Variants in CFHR3 observed in about 807,000 individuals in gnomAD.
CFHR3 encodes the protein complement factor H-related protein 3.
Under a neutral mutation model 36.0 loss-of-function variants are expected in CFHR3, and 22 were observed. The ratio of observed to expected loss-of-function variants is 0.61; its 90% CI spans 0.44 to 0.87. The LOEUF (loss-of-function observed/expected upper bound fraction) is 0.87, where lower values mean the gene tolerates loss of function less well. Ranked by LOEUF, CFHR3 falls within the 40% of genes least tolerant of loss-of-function variation. CFHR3 has a pLI of 0.00. For missense variants in CFHR3, 276 were observed against 401.3 expected (o/e 0.69, Z 2.67); for synonymous variants, 97 against 137.4 (o/e 0.71, Z 2.06).
At position 196,786,241 on chromosome 1, in the gene CFHR3, C is replaced by T. The variant is rs1453947578; in HGVS notation, c.431-1975C>T. ...GGTGGTGCCTCCCAGTTAGGCTGCT[C>T]GGGGGTTGGGGTCAGCGACCAACTT... is the stretch of plus-strand genomic sequence containing the variant. On this transcript the variant is annotated intron_variant, in intron 3 of 5. Coordinates refer to ENST00000367425, the MANE Select transcript of CFHR3 (RefSeq NM_021023.6). 3.7e-5 allele frequency among the ~76,000 whole-genome samples: 5 copies of T among 136,062 alleles called. 1 individual carries two copies. Among genetic ancestry groups the T allele is most frequent in the Admixed American group, 7.1e-5 (1 of 14,178 alleles). 89.3% of individuals were successfully genotyped at this position (136,062 alleles called of 152,430 possible).
chr1:196,785,718 A>T lies in CFHR3; in HGVS notation c.431-2498A>T, dbSNP rs1654170067. Among the ~76,000 whole-genome samples, 2 of 136,322 alleles carry T rather than the reference A, an allele frequency of 1.5e-5. 1 individual carries two copies. The highest frequency in any genetic ancestry group is 1.4e-4 in the Admixed American group (2 of 14,162). 89.4% of individuals were successfully genotyped at this position (136,322 alleles called of 152,430 possible). ...TTATACATTTGTCTAAATTTTTTTC[A>T]AATTTTTAACTTCTTTGCCTTTGGT... On this transcript the variant is annotated intron_variant, in intron 3 of 5. Transcript: ENST00000367425.
rs1654298349 is a variant in CFHR3, at chr1:196,788,453, AGAT to A, written c.613+59_613+61del. On this transcript the variant is annotated intron_variant, in intron 4 of 5. Transcript: ENST00000367425. ...TCTGTCAACTTCGTTCCTCTCTTTG[AGAT>A]GATAGTGTTTTACTTAAAAATATAG... The A allele has an allele frequency of 5.3e-6, 8 of 1,510,526 alleles. No homozygotes were observed. In the East Asian group the frequency reaches 1.8e-4, roughly 34 times the overall value. The allele number at this position is 1,510,526 out of a possible 1,614,324, so 93.6% of individuals were successfully genotyped here. A position where few individuals can be genotyped will look rare whatever the true frequency, so the allele number is the denominator to read the frequency against.
chr1:196,779,917 C>A lies in CFHR3; in HGVS notation c.374C>A (p.Thr125Asn), dbSNP rs1653878956. Residue 125 changes from threonine (T) to asparagine (N), a missense_variant, in exon 3 of 6, where the codon ACC (threonine) becomes AAC (asparagine). Physicochemically the swap from Thr to Asn is moderately conservative, Grantham distance 65. Around this residue, in one of 3 missense-constraint regions of CFHR3, gnomAD observed 178 missense variants for 247.2 expected, o/e 0.72. Coordinates refer to ENST00000367425, the MANE Select transcript of CFHR3 (RefSeq NM_021023.6). ...HPGYGLPKAQ[T>N]TVTCTEKGWS... ...GGCTACGGTCTTCCAAAAGCGCAGA[C>A]CACAGTTACATGTACGGAGAAAGGC... 4.6e-6 allele frequency: 7 copies of A among 1,533,430 alleles called. 2 individuals carry two copies. The highest frequency in any genetic ancestry group is 3.3e-5 in the African/African-American group (2 of 60,606). 95.0% of individuals were successfully genotyped at this position (1,533,430 alleles called of 1,614,324 possible). A position where few individuals can be genotyped will look rare whatever the true frequency, so the allele number is the denominator to read the frequency against.
At chr1:196,783,483 C>G (rs1164666603) in intron 3 of CFHR3, among the ~76,000 whole-genome samples, 4 of 131,350 alleles carry the variant, frequency 3.0e-5, no homozygotes, top group Non-Finnish European at 6.3e-5. Flanking sequence ...ATTTCAGAGC[C>G]TGTTATTGGT....
intron 1 of CFHR3, 150 bp downstream of exon 1, chr1:196,775,094 G>A: frequency 1.5e-6 from 1 of 651,814 alleles, no homozygotes; most frequent in Non-Finnish European, 2.5e-6. Flanking sequence ...GAGTATAACA[G>A]AAATTAATTT....
At position 196,786,703 on chromosome 1, in the gene CFHR3, G is replaced by C. The variant is rs1262213537; in HGVS notation, c.431-1513G>C. On this transcript the variant is annotated intron_variant, in intron 3 of 5. Transcript: ENST00000367425. ...AGTGACCCGATTTTCCAGGTGCCGT[G>C]TGTCACCCCTTTCTTTGACTAGGAA... Among the ~76,000 whole-genome samples, 2 of 136,756 alleles carry C rather than the reference G, an allele frequency of 1.5e-5. 1 individual carries two copies. The highest frequency in any genetic ancestry group is 3.1e-5 in the Non-Finnish European group (2 of 64,422). The allele number at this position is 136,756 out of a possible 152,430, so 89.7% of individuals were successfully genotyped here. A position where few individuals can be genotyped will look rare whatever the true frequency, so the allele number is the denominator to read the frequency against.
At chr1:196,782,838 A>G (rs1654013480) in intron 3 of CFHR3, among the ~76,000 whole-genome samples, 1 of 136,890 alleles carries the variant, frequency 7.3e-6, no homozygotes, top group Non-Finnish European at 1.5e-5. Flanking sequence ...TTCCAACACT[A>G]TGTTGAATAG....
At chr1:196,780,951 C>T (rs1463893500) in intron 3 of CFHR3, among the ~76,000 whole-genome samples, 2 of 79,460 alleles carry the variant, frequency 2.5e-5, no homozygotes, top group Admixed American at 1.4e-4. Context: ...TCCCTCCCCC[C>T]TCCCCCCACC....
At chr1:196,781,098 A>G (rs550742834) in intron 3 of CFHR3, among the ~76,000 whole-genome samples, 2 of 133,360 alleles carry the variant, frequency 1.5e-5, no homozygotes, top group Non-Finnish European at 3.1e-5. Flanking sequence ...GGTGATTTCC[A>G]GTTTCATCCA....
intron 3 of CFHR3, among the ~76,000 whole-genome samples, chr1:196,780,495 C>T (rs1653903624): frequency 7.3e-6 from 1 of 136,752 alleles, no homozygotes; most frequent in Non-Finnish European, 1.5e-5. Context: ...TGTAAATTTG[C>T]ATTTCTTTTA....
rs571884099 is a variant in CFHR3 at position 196,795,205 on chromosome 1, G to T, written c.*1692G>T. On this transcript the variant is annotated 3_prime_UTR_variant, in exon 6 of 6. Transcript: ENST00000367425. ...TGGAGATAATGGAATCATGGGAGCA[G>T]TTTCCCCATACCCCACTCATGGTAG... 1.5e-5 allele frequency: 2 copies of T among 136,446 alleles called. No individual in the cohort carries two copies. Among genetic ancestry groups the T allele is most frequent in the South Asian group, 2.6e-4 (1 of 3,892 alleles). 8.5% of individuals were successfully genotyped at this position (136,446 alleles called of 1,614,324 possible).
chr1:196,780,855 G>T (rs867685996), intron 3 of CFHR3, among the ~76,000 whole-genome samples: 1 of 132,408 alleles, frequency 7.6e-6, no homozygotes, highest in South Asian at 2.8e-4. Context: ...CAATGTGCAG[G>T]TTAGTTACAT....
In CFHR3 at chr1:196,782,564, A is replaced by G. The variant is rs1315465334; in HGVS notation, c.430+2591A>G. Among the ~76,000 whole-genome samples the G allele has an allele frequency of 5.1e-5, 7 of 136,698 alleles. No homozygotes were observed. The East Asian group carries it at 1.4e-3, about 27-fold the overall frequency. 89.7% of individuals were successfully genotyped at this position (136,698 alleles called of 152,430 possible). A position where few individuals can be genotyped will look rare whatever the true frequency, so the allele number is the denominator to read the frequency against. On this transcript the variant is annotated intron_variant, in intron 3 of 5. Transcript: ENST00000367425. ...CTAGGTATTTTATTCTCTTTGAAGC[A>G]ATTGTGAATGGGAGTTCACTCATGA...
chr1:196,788,706 T>A (rs1321540968), intron 4 of CFHR3: 1 of 1,455,370 alleles, frequency 6.9e-7, no homozygotes, highest in Non-Finnish European at 9.1e-7. Flanking sequence ...CAATAAAAAC[T>A]TTGTTGTCTT....
chr1:196,775,038 A>G, intron 1 of CFHR3, 94 bp downstream of exon 1: 2 of 1,107,616 alleles, frequency 1.8e-6, no homozygotes, highest in Non-Finnish European at 2.6e-6. Context: ...TTTATGAATC[A>G]AAGAGGATTT....
At chr1:196,779,109 GATTT>G (rs1478058574) in intron 1 of CFHR3, 49 bp from the exon 2 acceptor site, 1 of 1,290,354 alleles carries the variant, frequency 7.7e-7, no homozygotes, top group Non-Finnish European at 1.1e-6. Flanking sequence ...TCTCTAATAT[GATTT>G]ATTACAGTAA....
intron 3 of CFHR3, among the ~76,000 whole-genome samples, chr1:196,781,943 A>G (rs527818278): frequency 7.3e-6 from 1 of 137,248 alleles, no homozygotes; most frequent in Admixed American, 7.0e-5. Context: ...TAGGTCTATC[A>G]TTTAAGTCTT....
Position 196,781,815 on chromosome 1 carries a change from C to T in CFHR3, c.430+1842C>T, listed in dbSNP as rs1175169407. Among the ~76,000 whole-genome samples the T allele has an allele frequency of 3.7e-5, 5 of 135,456 alleles. 1 individual carries two copies. The East Asian group carries it at 9.8e-4, about 27-fold the overall frequency. 88.9% of individuals were successfully genotyped at this position (135,456 alleles called of 152,430 possible). On this transcript the variant is annotated intron_variant, in intron 3 of 5. Transcript: ENST00000367425. ...GAAGCTCTTTAGTTTAATTAGATCC[C>T]ATTTGTCAATTTTGGCTTTTGTTGC...
At chr1:196,791,447 T>C (rs1367080458) in intron 5 of CFHR3, among the ~76,000 whole-genome samples, 1 of 130,288 alleles carries the variant, frequency 7.7e-6, no homozygotes, top group Non-Finnish European at 1.6e-5. Flanking sequence ...CCTATTCCTA[T>C]CACAGCTCTT....
Sources: allele counts gnomAD v4.1 joint callset (sites outside exome capture counted in the v4.1 genomes callset), GRCh38; gene constraint gnomAD v4.1.1; regional missense constraint gnomAD v4.1.1; transcripts MANE v1.5; gene names NCBI Gene and HGNC (gene_info 2026-07-23, HGNC 2026-07-21).